Variants in FGF14 observed in about 807,000 individuals in gnomAD.
FGF14 encodes fibroblast growth factor 14, also known as fibroblast growth factor homologous factor 4.
FGF14 carries 5 observed loss-of-function variants against 25.5 expected under a neutral mutation model. The ratio of observed to expected loss-of-function variants is 0.20; its 90% CI spans 0.10 to 0.41. The LOEUF is 0.41. FGF14 is among the 10% of genes least tolerant of loss of function. The pLI is 1.00. For missense variants in FGF14, 222 were observed against 320.1 expected (o/e 0.69, Z 2.34); for synonymous variants, 138 against 118.3 (o/e 1.17, Z -1.08).
At chr13:102,209,641 T>C (rs2050082038) in intron 1 of FGF14, among the ~76,000 whole-genome samples, 1 of 152,160 alleles carries the variant, frequency 6.6e-6, no homozygotes, top group Non-Finnish European at 1.5e-5. Flanking sequence ...CATCTGGGAA[T>C]CATGCTTCTG....
At chr13:101,918,545 C>T (rs2033750602), upstream of FGF14, among the ~76,000 whole-genome samples, 1 of 152,208 alleles carries the variant, frequency 6.6e-6, no homozygotes, top group African/African-American at 2.4e-5. Flanking sequence ...CAGTTCTCAA[C>T]CAAAACACAC....
chr13:102,150,838 G>A (rs532205152), intron 1 of FGF14, among the ~76,000 whole-genome samples: 1 of 152,294 alleles, frequency 6.6e-6, no homozygotes, highest in South Asian at 2.1e-4. Flanking sequence ...AGATCTGGGT[G>A]CTGCCAATCA....
intron 1 of FGF14, among the ~76,000 whole-genome samples, chr13:102,304,359 C>T (rs549126587): frequency 1.3e-5 from 2 of 152,124 alleles, no homozygotes; most frequent in Non-Finnish European, 2.9e-5. Context: ...TTCAGCCCTA[C>T]TATGTCCAAT....
intron 1 of FGF14, among the ~76,000 whole-genome samples, chr13:101,893,980 A>T (rs1161624020): frequency 1.3e-5 from 2 of 150,932 alleles, no homozygotes; most frequent in Non-Finnish European, 2.9e-5. Flanking sequence ...TGTTAGTGAA[A>T]GTGCTTTCAC....
chr13:102,143,514 T>C (rs2046732331), intron 1 of FGF14, among the ~76,000 whole-genome samples: 1 of 152,180 alleles, frequency 6.6e-6, no homozygotes, highest in Non-Finnish European at 1.5e-5. Flanking sequence ...TACTAAAATA[T>C]TGCCAATTCA....
intron 1 of FGF14, among the ~76,000 whole-genome samples, chr13:102,124,069 G>A (rs1214575345): frequency 6.6e-6 from 1 of 151,840 alleles, no homozygotes; most frequent in Non-Finnish European, 1.5e-5. Flanking sequence ...AAAGTGACAT[G>A]AAAATAATTT....
chr13:101,901,470 G>A (rs1054217454), intron 1 of FGF14, among the ~76,000 whole-genome samples: 11 of 152,120 alleles, frequency 7.2e-5, no homozygotes, highest in South Asian at 2.1e-4. Flanking sequence ...TTGGGAGGCC[G>A]GGGCGGGTGG....
chr13:102,033,372 A>G (rs2041308129), intron 1 of FGF14, among the ~76,000 whole-genome samples: 1 of 152,186 alleles, frequency 6.6e-6, no homozygotes, highest in South Asian at 2.1e-4. Context: ...AATGGGGCAC[A>G]TGACAAGGGA....
chr13:102,381,517 T>A (rs1051223365), intron 1 of FGF14, among the ~76,000 whole-genome samples: 1 of 152,148 alleles, frequency 6.6e-6, no homozygotes, highest in African/African-American at 2.4e-5. Flanking sequence ...AGACACTGAA[T>A]TTGCTGGTGC....
At chr13:101,765,718 T>TTTTATTTATTTATTTATTTATTTA (rs561624693) in intron 3 of FGF14, among the ~76,000 whole-genome samples, 134 of 143,386 alleles carry the variant, frequency 9.3e-4, no homozygotes, top group African/African-American at 3.5e-3. Flanking sequence ...ATTATTATTA[T>TTTTATTTATTTATTTATTTATTTA]TTTATTTATT....
intron 1 of FGF14, among the ~76,000 whole-genome samples, chr13:102,008,279 C>G (rs2039907238): frequency 6.6e-6 from 1 of 152,164 alleles, no homozygotes; most frequent in Non-Finnish European, 1.5e-5. Flanking sequence ...GTCTTGAAAA[C>G]ATATTGATCC....
chr13:102,019,725 T>C (rs1465440100), intron 1 of FGF14, among the ~76,000 whole-genome samples: 1 of 152,190 alleles, frequency 6.6e-6, no homozygotes, highest in Non-Finnish European at 1.5e-5. Flanking sequence ...TTAAATTCTC[T>C]TCATGTTGTA....
rs1244603422 is a variant in FGF14, at chr13:102,156,310, C to A, written c.208+245161G>T. Among the ~76,000 whole-genome samples the A allele has an allele frequency of 2.0e-5, 3 of 152,174 alleles. 1 individual carries two copies. The highest frequency in any genetic ancestry group is 4.4e-5 in the Non-Finnish European group (3 of 68,026). On this transcript the variant is annotated intron_variant, in intron 1 of 4. Transcript: ENST00000376131. ...AGCAGCACATCAAAAAGCTTATCCA[C>A]CATGATCAAGTGGGCTTCATCCCTG...
chr13:101,954,189 C>A (rs942806444), intron 1 of FGF14, among the ~76,000 whole-genome samples: 1 of 151,912 alleles, frequency 6.6e-6, no homozygotes. Flanking sequence ...ACCAGAGAAG[C>A]CGAGATGTCA....
At chr13:102,057,886 C>A (rs1282091863) in intron 1 of FGF14, among the ~76,000 whole-genome samples, 3 of 152,138 alleles carry the variant, frequency 2.0e-5, no homozygotes, top group African/African-American at 7.2e-5. Context: ...TCTCCAAGTG[C>A]TGAATGTTGG....
chr13:102,098,315 T>C (rs1294948199), intron 1 of FGF14, among the ~76,000 whole-genome samples: 1 of 152,246 alleles, frequency 6.6e-6, no homozygotes, highest in Non-Finnish European at 1.5e-5. Flanking sequence ...ATCAGAATGA[T>C]GATTTAGCTG....
chr13:102,355,766 T>C (rs887933532), intron 1 of FGF14, among the ~76,000 whole-genome samples: 3 of 152,028 alleles, frequency 2.0e-5, no homozygotes, highest in African/African-American at 7.3e-5. Flanking sequence ...GTGCAGAATA[T>C]TTTGAACATA....
chr13:102,175,995 G>A (rs932648317), intron 1 of FGF14, among the ~76,000 whole-genome samples: 3 of 151,812 alleles, frequency 2.0e-5, no homozygotes, highest in African/African-American at 2.4e-5. Flanking sequence ...CAACCCCCAC[G>A]GAAAACAGTA....
intron 1 of FGF14, among the ~76,000 whole-genome samples, chr13:102,124,236 G>A (rs943763208): frequency 4.6e-5 from 7 of 151,832 alleles, no homozygotes; most frequent in African/African-American, 1.5e-4. Context: ...GGGTTATTAA[G>A]AGAAAAGAGG....
Sources: gnomAD v4.1 joint callset for allele counts (sites outside exome capture counted in the v4.1 genomes callset) on GRCh38, gnomAD v4.1.1 for gene constraint, MANE v1.5 for transcripts, NCBI Gene and HGNC (gene_info 2026-07-23, HGNC 2026-07-21) for gene names.